SLBP: variants seen among roughly 807,000 people sequenced by gnomAD.
SLBP encodes stem-loop histone mRNA binding protein, also known as histone RNA hairpin-binding protein.
In SLBP, 29 loss-of-function variants were observed where a neutral mutation model predicts 39.2. The observed-to-expected ratio is 0.74, with a 90% CI of 0.55 to 1.01. The LOEUF is 1.01. SLBP is among the 50% of genes least tolerant of loss of function. SLBP has a pLI of 0.00. For synonymous variants in SLBP, 129 were observed against 118.7 expected, an observed-to-expected ratio of 1.09 and a Z score of -0.57; for missense variants, 390 against 350.2, an observed-to-expected ratio of 1.11 and a Z score of -0.91.
intron 2 of SLBP, among the ~76,000 whole-genome samples, chr4:1,711,524 G>A (rs1026562567): frequency 5.9e-5 from 9 of 152,174 alleles, no homozygotes; most frequent in Non-Finnish European, 1.0e-4. Flanking sequence ...GGTAAGCCCT[G>A]TCAACTCACT....
intron 5 of SLBP, among the ~76,000 whole-genome samples, chr4:1,698,572 C>A (rs1056709094): frequency 2.7e-5 from 4 of 147,996 alleles, no homozygotes; most frequent in African/African-American, 1.0e-4. Context: ...GCAACCTCCT[C>A]CTCCCAGGTT....
At chr4:1,710,959 G>C in intron 2 of SLBP, among the ~76,000 whole-genome samples, 1 of 150,686 alleles carries the variant, frequency 6.6e-6, no homozygotes, top group Non-Finnish European at 1.5e-5. Context: ...GCTGAGGCAG[G>C]AGAATCACTT....
At position 1,711,983 on chromosome 4, in the gene SLBP, A is replaced by G; in HGVS notation, c.67T>C (p.Ser23Pro). 2 of 1,293,876 alleles carry G rather than the reference A, an allele frequency of 1.5e-6. No homozygotes were observed. The highest frequency in any genetic ancestry group is 2.2e-5 in the South Asian group (1 of 45,344). The allele number at this position is 1,293,876 out of a possible 1,614,324, so 80.1% of individuals were successfully genotyped here. A position where few individuals can be genotyped will look rare whatever the true frequency, so the allele number is the denominator to read the frequency against. The change falls in exon 2 of 8, where the codon TCC (serine) becomes CCC (proline). Residue 23 changes from serine (S) to proline (P), a missense_variant. Ser to Pro is a moderately conservative substitution (Grantham distance 74, BLOSUM62 -1). Coordinates refer to ENST00000489418, the MANE Select transcript of SLBP (RefSeq NM_006527.4). ...CGTCCCAGGCTCCATCGCGCGGGGG[A>G]CGGCGGGCTGCGGGGAGGGACGCGG... is the stretch of plus-strand genomic sequence containing the variant. ...SRCDGDASPP[S>P]PARWSLGRKR...
intron 5 of SLBP, among the ~76,000 whole-genome samples, chr4:1,697,692 A>C (rs1716164631): frequency 6.6e-6 from 1 of 151,470 alleles, no homozygotes; most frequent in South Asian, 2.1e-4. Context: ...AATACAAAAA[A>C]ATTAGCCCAG....
chr4:1,700,099 T>A (rs773670152), intron 3 of SLBP, 29 bp from the exon 4 acceptor site: 1 of 1,508,926 alleles, frequency 6.6e-7, no homozygotes, highest in South Asian at 1.2e-5. Context: ...TTGCTGTTTT[T>A]AAAAAAGATA....
Position 1,712,308 on chromosome 4 carries a change from C to A in SLBP, c.-120G>T. 1.8e-6 allele frequency: 1 copy of A among 558,840 alleles called. No homozygotes were observed. Among genetic ancestry groups the A allele is most frequent in the Non-Finnish European group, 2.7e-6 (1 of 363,950 alleles). 34.6% of individuals were successfully genotyped at this position (558,840 alleles called of 1,614,324 possible). ...AGAAACCCGCGTCCCCGCGCCGGCG[C>A]TCACGAGCTCTGCGCGCCCCGCCCC... On this transcript the variant is annotated 5_prime_UTR_variant, in exon 1 of 8. Transcript: ENST00000489418.
At chr4:1,697,951 C>G (rs928135571) in intron 5 of SLBP, among the ~76,000 whole-genome samples, 1 of 152,002 alleles carries the variant, frequency 6.6e-6, no homozygotes, top group Non-Finnish European at 1.5e-5. Context: ...CATAGGGAGA[C>G]TCCCATCTCT....
intron 3 of SLBP, among the ~76,000 whole-genome samples, chr4:1,702,616 T>A (rs1716367953): frequency 6.6e-6 from 1 of 152,238 alleles, no homozygotes. Flanking sequence ...GCAACTGGGT[T>A]TGAGTTAGAC....
At position 1,703,705 on chromosome 4, in the gene SLBP, A is replaced by G; in HGVS notation, c.177-5T>C. The G allele has an allele frequency of 6.3e-7, 1 of 1,583,504 alleles. No homozygotes were observed. The stretch of plus-strand genomic sequence containing the variant: ...GGGCCTTCAGGAGTGGTAAAGCTGC[A>G]ATAAAAGGAAAATGCTACTGAACCA... On this transcript the variant is annotated splice_polypyrimidine_tract_variant and splice_region_variant and intron_variant, in intron 2 of 7. Transcript: ENST00000489418.
chr4:1,706,993 G>A (rs572831759), intron 2 of SLBP, among the ~76,000 whole-genome samples: 204 of 151,690 alleles, frequency 1.3e-3, no homozygotes, highest in African/African-American at 4.5e-3. Flanking sequence ...GCCGAGGCGG[G>A]TGGATCATGA....
chr4:1,711,794 C>G, intron 2 of SLBP, 80 bp downstream of exon 2: 1 of 725,834 alleles, frequency 1.4e-6, no homozygotes, highest in South Asian at 3.9e-5. Flanking sequence ...CCCGGCACCG[C>G]GAGAGCGCGA....
At chr4:1,711,606 C>T (rs1418723041) in intron 2 of SLBP, among the ~76,000 whole-genome samples, 1 of 152,248 alleles carries the variant, frequency 6.6e-6, no homozygotes, top group Admixed American at 6.5e-5. Flanking sequence ...TGACCTCTCC[C>T]GGGAGCACAA....
intron 7 of SLBP, among the ~76,000 whole-genome samples, chr4:1,694,213 G>GCCTC (rs1208590828): frequency 6.6e-6 from 1 of 152,172 alleles, no homozygotes; most frequent in Non-Finnish European, 1.5e-5. Context: ...CTCCTGAGTA[G>GCCTC]CTGGGATTAC....
intron 2 of SLBP, among the ~76,000 whole-genome samples, chr4:1,709,093 C>A (rs942725130): frequency 6.7e-6 from 1 of 148,744 alleles, no homozygotes; most frequent in African/African-American, 2.5e-5. Context: ...GAGACAGTTT[C>A]ACTCTTATTG....
chr4:1,696,060 A>G (rs1362514240), intron 6 of SLBP, 142 bp downstream of exon 6: 4 of 566,892 alleles, frequency 7.1e-6, no homozygotes, highest in Non-Finnish European at 1.2e-5. Context: ...AGAAGAACTC[A>G]GCACCGAGCT....
chr4:1,701,833 G>C (rs765324131), intron 3 of SLBP, among the ~76,000 whole-genome samples: 1 of 152,168 alleles, frequency 6.6e-6, no homozygotes, highest in African/African-American at 2.4e-5. Flanking sequence ...CTTGAACCTA[G>C]GAAGCGGAAG....
intron 2 of SLBP, among the ~76,000 whole-genome samples, chr4:1,708,004 G>A (rs1055931236): frequency 1.1e-4 from 17 of 151,850 alleles, no homozygotes; most frequent in Admixed American, 2.6e-4. Flanking sequence ...GCTTGAACCC[G>A]GGAGGCAGAG....
At chr4:1,702,071 G>A (rs986909896) in intron 3 of SLBP, among the ~76,000 whole-genome samples, 1 of 152,184 alleles carries the variant, frequency 6.6e-6, no homozygotes, top group Non-Finnish European at 1.5e-5. Flanking sequence ...AATCTGGACA[G>A]GTGGAATACG....
chr4:1,709,747 G>C (rs914042594), intron 2 of SLBP, among the ~76,000 whole-genome samples: 1 of 152,124 alleles, frequency 6.6e-6, no homozygotes, highest in African/African-American at 2.4e-5. Context: ...GAGTAGCTGG[G>C]ACTACAGGCG....
Sources: gnomAD v4.1 joint callset for allele counts (sites outside exome capture counted in the v4.1 genomes callset) on GRCh38, gnomAD v4.1.1 for gene constraint, MANE v1.5 for transcripts, NCBI Gene and HGNC (gene_info 2026-07-23, HGNC 2026-07-21) for gene names.